The following AFAP1 variants were observed in gnomAD, a reference collection of about 807,000 sequenced individuals.
AFAP1 encodes the protein actin filament-associated protein 1.
Under a neutral mutation model 93.9 loss-of-function variants are expected in AFAP1, and 75 were observed. The ratio of observed to expected loss-of-function variants is 0.80; its 90% CI spans 0.66 to 0.97. The LOEUF (loss-of-function observed/expected upper bound fraction) is 0.97. Ranked by LOEUF, AFAP1 falls within the 50% of genes least tolerant of loss-of-function variation. The pLI, the probability that AFAP1 is intolerant of heterozygous loss-of-function variation, is 0.00. For missense variants in AFAP1, 1,201 were observed against 1,050.8 expected, an observed-to-expected ratio of 1.14 and a Z score of -1.98; for synonymous variants, 517 against 430.7, an observed-to-expected ratio of 1.20 and a Z score of -2.48.
chr4:7,769,198 G>C (rs1018225506), intron 16 of AFAP1, among the ~76,000 whole-genome samples, 190 bp from the exon 17 acceptor site: 2 of 152,224 alleles, frequency 1.3e-5, no homozygotes, highest in Non-Finnish European at 2.9e-5. Flanking sequence ...ACGGCCGGGG[G>C]GCAGAGGCTC....
chr4:7,771,598 C>T (rs565718659), intron 16 of AFAP1, among the ~76,000 whole-genome samples: 7 of 152,262 alleles, frequency 4.6e-5, no homozygotes, highest in East Asian at 1.9e-4. Context: ...GTGCCAAAAG[C>T]GTCCACACAC....
intron 4 of AFAP1, among the ~76,000 whole-genome samples, chr4:7,844,587 A>T (rs1455465175): frequency 6.6e-6 from 1 of 152,226 alleles, no homozygotes; most frequent in Non-Finnish European, 1.5e-5. Flanking sequence ...CCTGAAGAAA[A>T]GGAGACCATC....
intron 4 of AFAP1, among the ~76,000 whole-genome samples, chr4:7,854,191 T>C (rs151235148): frequency 7.9e-4 from 120 of 152,380 alleles, no homozygotes; most frequent in African/African-American, 2.6e-3. Flanking sequence ...GCATTTAATT[T>C]GTTTTCTAAT....
chr4:7,860,765 G>C (rs541865982), intron 3 of AFAP1, among the ~76,000 whole-genome samples: 4 of 152,130 alleles, frequency 2.6e-5, no homozygotes, highest in Non-Finnish European at 5.9e-5. Flanking sequence ...ATGTAAGGAG[G>C]GAACCAACAA....
chr4:7,885,824 C>T (rs1211470131), intron 1 of AFAP1, among the ~76,000 whole-genome samples: 1 of 152,146 alleles, frequency 6.6e-6, no homozygotes, highest in Non-Finnish European at 1.5e-5. Flanking sequence ...CTGATGAATT[C>T]CTTTTCTCGA....
intron 1 of AFAP1, among the ~76,000 whole-genome samples, chr4:7,931,428 G>A (rs766528042): frequency 6.6e-6 from 1 of 152,116 alleles, no homozygotes; most frequent in Non-Finnish European, 1.5e-5. Flanking sequence ...GTCTTGCTCT[G>A]TTGCTCAGGC....
chr4:7,846,583 A>G (rs1713726764), intron 4 of AFAP1, among the ~76,000 whole-genome samples: 1 of 152,242 alleles, frequency 6.6e-6, no homozygotes, highest in Non-Finnish European at 1.5e-5. Context: ...ATAATGAAGT[A>G]AAGATTTAAT....
At chr4:7,846,656 G>A (rs1258323006) in intron 4 of AFAP1, among the ~76,000 whole-genome samples, 1 of 152,170 alleles carries the variant, frequency 6.6e-6, no homozygotes, top group Non-Finnish European at 1.5e-5. Context: ...AATATGTTGT[G>A]AGCTCTACTC....
intron 8 of AFAP1, among the ~76,000 whole-genome samples, chr4:7,811,961 C>G (rs182297386): frequency 6.6e-6 from 1 of 150,924 alleles, no homozygotes; most frequent in East Asian, 2.0e-4. Flanking sequence ...TCCTTCCACT[C>G]TCCCAACACG....
chr4:7,785,558 TTTTGA>T (rs1330219110), intron 12 of AFAP1, among the ~76,000 whole-genome samples: 3 of 152,224 alleles, frequency 2.0e-5, no homozygotes, highest in Non-Finnish European at 4.4e-5. Flanking sequence ...CTGTGCTATG[TTTTGA>T]TTTAACAAGT....
chr4:7,816,231 T>C, intron 7 of AFAP1, 132 bp from the exon 8 acceptor site: 1 of 712,716 alleles, frequency 1.4e-6, no homozygotes, highest in South Asian at 1.8e-5. Flanking sequence ...CAGAAGTGGT[T>C]AGAGCTTAAC....
chr4:7,931,570 T>C (rs1032506341), intron 1 of AFAP1, among the ~76,000 whole-genome samples: 7 of 144,420 alleles, frequency 4.8e-5, no homozygotes, highest in South Asian at 2.2e-4. Context: ...TTGGTAGAGG[T>C]GGAGGTCTCG....
intron 16 of AFAP1, among the ~76,000 whole-genome samples, chr4:7,771,726 C>A (rs1715465682): frequency 6.6e-6 from 1 of 152,186 alleles, no homozygotes; most frequent in African/African-American, 2.4e-5. Flanking sequence ...CCTGAAAGAA[C>A]CATGCATGAG....
intron 1 of AFAP1, among the ~76,000 whole-genome samples, chr4:7,900,191 T>C (rs549647939): frequency 6.6e-6 from 1 of 152,276 alleles, no homozygotes; most frequent in South Asian, 2.1e-4. Flanking sequence ...TCTCCAAAAA[T>C]CTGCGATCCT....
At chr4:7,828,788 G>C (rs28742074) in intron 6 of AFAP1, among the ~76,000 whole-genome samples, 173 of 152,288 alleles carry the variant, frequency 1.1e-3, no homozygotes, top group African/African-American at 3.9e-3. Context: ...GCTTGTCCAA[G>C]AAACACAGTG....
At chr4:7,864,069 C>CCATTCCCAACTTCCCATCACAACT (rs1553848512) in intron 3 of AFAP1, among the ~76,000 whole-genome samples, 20 of 6,846 alleles carry the variant, frequency 2.9e-3, no homozygotes, top group African/African-American at 0.012. Flanking sequence ...CCATCACAAC[C>CCATTCCCAACTTCCCATCACAACT]CATTCCCAAC....
intron 17 of AFAP1, 84 bp downstream of exon 17, chr4:7,768,759 TG>T: frequency 7.0e-7 from 1 of 1,420,184 alleles, no homozygotes; most frequent in South Asian, 1.6e-5. Flanking sequence ...GGAAGAAGAA[TG>T]GGCTCCCTAC....
rs1713591962 is a variant in AFAP1, at chr4:7,760,238, G to A, written c.*3527C>T. ...AAAAGGAGTAAATCTCCACATTTTA[G>A]GGTAGTTTTTGTCTATTTAGAAATG... On this transcript the variant is annotated 3_prime_UTR_variant, in exon 18 of 18. Coordinates refer to ENST00000420658, the MANE Select transcript of AFAP1 (RefSeq NM_001134647.2). 1.3e-5 allele frequency: 2 copies of A among 152,322 alleles called. No individual in the cohort carries two copies. Among genetic ancestry groups the A allele is most frequent in the African/African-American group, 4.8e-5 (2 of 41,588 alleles). The allele number at this position is 152,322 out of a possible 1,614,324, so 9.4% of individuals were successfully genotyped here.
intron 3 of AFAP1, among the ~76,000 whole-genome samples, chr4:7,857,295 C>T (rs886619098): frequency 2.6e-5 from 4 of 152,160 alleles, no homozygotes; most frequent in African/African-American, 4.8e-5. Context: ...CTATGTAACT[C>T]ATCTCTGAAG....
Sources: allele counts gnomAD v4.1 joint callset (sites outside exome capture counted in the v4.1 genomes callset), GRCh38; gene constraint gnomAD v4.1.1; transcripts MANE v1.5; gene names NCBI Gene and HGNC (gene_info 2026-07-23, HGNC 2026-07-21).